SYT14: variants seen among roughly 807,000 people sequenced by gnomAD.
SYT14 encodes synaptotagmin 14, also known as synaptotagmin-14.
A neutral mutation model predicts 74.2 loss-of-function variants in SYT14; 32 were observed. The observed-to-expected ratio is 0.43, with a 90% CI of 0.33 to 0.58. The LOEUF (loss-of-function observed/expected upper bound fraction) is 0.58. SYT14 is among the 20% of genes least tolerant of loss of function. SYT14 has a pLI of 0.05. For synonymous variants in SYT14, 298 were observed against 337.7 expected (o/e 0.88, Z 1.29); for missense variants, 791 against 981.8 (o/e 0.81, Z 2.60).
chr1:210,070,211 C>T (rs1004593411), intron 5 of SYT14, among the ~76,000 whole-genome samples: 10 of 152,120 alleles, frequency 6.6e-5, no homozygotes, highest in Admixed American at 5.2e-4. Context: ...ATCTTGGGAG[C>T]TTATGTAGTC....
At chr1:210,079,800 A>G (rs891727052) in intron 5 of SYT14, among the ~76,000 whole-genome samples, 1 of 152,210 alleles carries the variant, frequency 6.6e-6, no homozygotes, top group Non-Finnish European at 1.5e-5. Context: ...CTTAGAGACA[A>G]TTTTGAGGCT....
chr1:210,034,096 A>C (rs961666834), intron 5 of SYT14, among the ~76,000 whole-genome samples: 16 of 151,880 alleles, frequency 1.1e-4, no homozygotes, highest in African/African-American at 3.9e-4. Context: ...AACATTTTAC[A>C]TAAATTAACT....
chr1:209,982,386 G>A (rs143747515), intron 2 of SYT14, among the ~76,000 whole-genome samples: 42 of 152,296 alleles, frequency 2.8e-4, no homozygotes, highest in Admixed American at 1.4e-3. Flanking sequence ...AAATTTCTGA[G>A]TTGAAGCAAT....
chr1:210,058,128 G>A (rs1245517063), intron 5 of SYT14, among the ~76,000 whole-genome samples: 1 of 152,192 alleles, frequency 6.6e-6, no homozygotes, highest in Non-Finnish European at 1.5e-5. Context: ...CTGGAATAAA[G>A]AGGTAATAGT....
intron 2 of SYT14, among the ~76,000 whole-genome samples, chr1:210,006,372 A>G (rs1258584846): frequency 6.6e-6 from 1 of 152,004 alleles, no homozygotes; most frequent in Non-Finnish European, 1.5e-5. Flanking sequence ...GTTTTCCTAA[A>G]TTATCTCTTA....
chr1:209,961,572 A>G (rs2079076129), intron 2 of SYT14, among the ~76,000 whole-genome samples: 1 of 152,124 alleles, frequency 6.6e-6, no homozygotes, highest in Non-Finnish European at 1.5e-5. Context: ...GCTTATCTGT[A>G]CTAATCTCAC....
At chr1:210,157,168 G>A (rs986334451) in intron 8 of SYT14, among the ~76,000 whole-genome samples, 35 of 151,990 alleles carry the variant, frequency 2.3e-4, no homozygotes, top group African/African-American at 7.7e-4. Context: ...GGGTCCAGGC[G>A]CAGTACCTCA....
intron 2 of SYT14, among the ~76,000 whole-genome samples, chr1:209,979,704 A>C (rs1016519863): frequency 6.6e-6 from 1 of 152,092 alleles, no homozygotes; most frequent in East Asian, 1.9e-4. Context: ...AACATGTGGC[A>C]TTTGGATTTC....
chr1:210,064,019 A>C (rs2081253295), intron 5 of SYT14, among the ~76,000 whole-genome samples: 1 of 151,964 alleles, frequency 6.6e-6, no homozygotes, highest in Non-Finnish European at 1.5e-5. Flanking sequence ...ATTTTTCCAA[A>C]TCATTTGAAA....
chr1:209,953,060 G>C (rs2078937308), intron 2 of SYT14: 1 of 1,350,562 alleles, frequency 7.4e-7, no homozygotes, highest in Non-Finnish European at 9.7e-7. Flanking sequence ...TTCAGAATCT[G>C]GAATCTGAGT....
rs191481792 is a variant in SYT14, at chr1:209,960,224, G to T, written c.-486+7468G>T. On this transcript the variant is annotated intron_variant, in intron 2 of 9. Transcript: ENST00000637265. ...TTTATATACTAAATCTATCTTTATG[G>T]CATTACTTTATTGGGTATTCACAAA... Among the ~76,000 whole-genome samples the T allele has an allele frequency of 8.1e-3, 1,226 of 151,998 alleles. 17 individuals are homozygous for T. The highest frequency in any genetic ancestry group is 9.9e-3 in the Non-Finnish European group (672 of 67,960).
chr1:210,075,154 A>G (rs2081469843), intron 5 of SYT14, among the ~76,000 whole-genome samples: 3 of 152,058 alleles, frequency 2.0e-5, no homozygotes, highest in African/African-American at 7.2e-5. Context: ...TCGTCCAGCC[A>G]AACTTGGCCT....
intron 5 of SYT14, among the ~76,000 whole-genome samples, chr1:210,058,206 G>A (rs1237050780): frequency 6.6e-6 from 1 of 152,094 alleles, no homozygotes; most frequent in Non-Finnish European, 1.5e-5. Context: ...ACTTCCCTAC[G>A]TATTTATTAT....
At chr1:210,002,471 A>G (rs1447130860) in intron 2 of SYT14, among the ~76,000 whole-genome samples, 5 of 152,012 alleles carry the variant, frequency 3.3e-5, no homozygotes, top group Non-Finnish European at 1.5e-5. Context: ...TTTTGCATGT[A>G]ACTATTATTC....
chr1:209,998,925 C>A (rs942605002), intron 2 of SYT14, among the ~76,000 whole-genome samples: 2 of 151,902 alleles, frequency 1.3e-5, no homozygotes, highest in African/African-American at 4.8e-5. Flanking sequence ...AGCTAAAACC[C>A]CCCAAAATAG....
chr1:210,045,183 A>G (rs1286919533), intron 5 of SYT14, among the ~76,000 whole-genome samples: 1 of 152,332 alleles, frequency 6.6e-6, no homozygotes, highest in East Asian at 1.9e-4. Flanking sequence ...AAAGTTTACA[A>G]TGTAGAAATT....
intron 7 of SYT14, among the ~76,000 whole-genome samples, chr1:210,149,773 TC>T (rs556344284): frequency 1.4e-3 from 206 of 152,280 alleles, no homozygotes; most frequent in Non-Finnish European, 2.4e-3. Flanking sequence ...CTTTTCATCT[TC>T]CTTGGCTCCT....
intron 7 of SYT14, among the ~76,000 whole-genome samples, chr1:210,155,358 G>A (rs2083247206): frequency 6.6e-6 from 1 of 152,134 alleles, no homozygotes; most frequent in East Asian, 1.9e-4. Context: ...TAGGACATTT[G>A]ATGTATTGAG....
chr1:210,078,981 A>G (rs765381952), intron 5 of SYT14, among the ~76,000 whole-genome samples: 1 of 151,892 alleles, frequency 6.6e-6, no homozygotes, highest in Non-Finnish European at 1.5e-5. Flanking sequence ...TCTTGGACAC[A>G]TGAGCTCAAG....
Sources: gnomAD v4.1 joint callset for allele counts (sites outside exome capture counted in the v4.1 genomes callset) on GRCh38, gnomAD v4.1.1 for gene constraint, MANE v1.5 for transcripts, NCBI Gene and HGNC (gene_info 2026-07-23, HGNC 2026-07-21) for gene names.